The following MIPOL1 variants were observed in gnomAD, a reference collection of about 807,000 sequenced individuals.
MIPOL1 encodes the protein mirror-image polydactyly gene 1 protein.
MIPOL1 carries 57 observed loss-of-function variants against 60.9 expected under a neutral mutation model. The ratio of observed to expected loss-of-function variants is 0.94; its 90% CI spans 0.76 to 1.17. The LOEUF (loss-of-function observed/expected upper bound fraction) is 1.17, where lower values mean the gene tolerates loss of function less well. MIPOL1 is among the 50% of genes most tolerant of loss of function. MIPOL1 has a pLI of 0.00. For missense variants in MIPOL1, 551 were observed against 511.6 expected (o/e 1.08, Z -0.74); for synonymous variants, 179 against 168.8 (o/e 1.06, Z -0.47).
intron 11 of MIPOL1, among the ~76,000 whole-genome samples, chr14:37,430,522 TA>T: frequency 8.0e-6 from 1 of 124,984 alleles, no homozygotes. Flanking sequence ...TAAAAAAAAG[TA>T]TACATTTTCT....
intron 10 of MIPOL1, among the ~76,000 whole-genome samples, chr14:37,415,437 A>G (rs1427770162): frequency 6.6e-6 from 1 of 151,846 alleles, no homozygotes; most frequent in African/African-American, 2.4e-5. Context: ...CCTGGCTAAC[A>G]CGGTGAAACC....
At chr14:37,337,327 CATATA>C (rs1216776261) in intron 9 of MIPOL1, among the ~76,000 whole-genome samples, 1 of 30,912 alleles carries the variant, frequency 3.2e-5, no homozygotes, top group Non-Finnish European at 5.1e-5. Context: ...CATTTGTAAA[CATATA>C]TATATATATA....
intron 9 of MIPOL1, among the ~76,000 whole-genome samples, chr14:37,350,598 T>C (rs1314387515): frequency 1.3e-5 from 2 of 152,186 alleles, no homozygotes; most frequent in African/African-American, 4.8e-5. Flanking sequence ...TATATTCTTT[T>C]AGTTATTTTT....
chr14:37,356,621 T>A (rs186776566), intron 9 of MIPOL1, among the ~76,000 whole-genome samples: 2 of 152,314 alleles, frequency 1.3e-5, no homozygotes, highest in East Asian at 3.9e-4. Flanking sequence ...GAGCTGTTTT[T>A]TAAGCCTGTC....
rs367840351 is a variant in MIPOL1, at chr14:37,357,108, T to C, written c.829-12409T>C. Among the ~76,000 whole-genome samples the C allele has an allele frequency of 3.3e-5, 5 of 152,336 alleles. No homozygotes were observed. The East Asian group carries it at 7.7e-4, about 23-fold the overall frequency. ...CTCTTCAATATACTGATTTCCTTTC[T>C]TTGGAGTATATACCCAGTAGTGGGA... On this transcript the variant is annotated intron_variant, in intron 9 of 12. Coordinates refer to ENST00000684589, the MANE Select transcript of MIPOL1 (RefSeq NM_001388067.1).
chr14:37,282,127 A>G (rs1211896451), intron 6 of MIPOL1, among the ~76,000 whole-genome samples: 1 of 152,102 alleles, frequency 6.6e-6, no homozygotes, highest in Admixed American at 6.6e-5. Context: ...ACTTAAAACT[A>G]AAAGAGCATT....
intron 9 of MIPOL1, among the ~76,000 whole-genome samples, chr14:37,358,767 C>G (rs1279922564): frequency 6.6e-6 from 1 of 152,146 alleles, no homozygotes; most frequent in Non-Finnish European, 1.5e-5. Flanking sequence ...CAAAAATTTT[C>G]TCCCATTCTG....
chr14:37,306,328 A>G (rs1326653239), intron 7 of MIPOL1, among the ~76,000 whole-genome samples: 1 of 151,882 alleles, frequency 6.6e-6, no homozygotes, highest in African/African-American at 2.4e-5. Flanking sequence ...CTTCCTGGTC[A>G]TATAAAATTC....
At chr14:37,298,429 A>G (rs1162415125) in intron 7 of MIPOL1, among the ~76,000 whole-genome samples, 2 of 152,238 alleles carry the variant, frequency 1.3e-5, no homozygotes, top group Non-Finnish European at 2.9e-5. Flanking sequence ...AGCAATGGCA[A>G]CAAAAGCCAA....
intron 1 of MIPOL1, among the ~76,000 whole-genome samples, chr14:37,215,813 A>G (rs1265995100): frequency 6.6e-6 from 1 of 152,182 alleles, no homozygotes; most frequent in Non-Finnish European, 1.5e-5. Context: ...CACGCCTGTA[A>G]TCCAAGCATG....
intron 10 of MIPOL1, among the ~76,000 whole-genome samples, chr14:37,375,200 A>G (rs1191847103): frequency 3.3e-5 from 5 of 151,480 alleles, no homozygotes; most frequent in Non-Finnish European, 5.9e-5. Context: ...TTTAATAATT[A>G]TTTTCATTAT....
intron 6 of MIPOL1, among the ~76,000 whole-genome samples, chr14:37,279,295 A>G (rs1253539408): frequency 6.6e-6 from 1 of 150,676 alleles, no homozygotes; most frequent in South Asian, 2.1e-4. Flanking sequence ...TACATTTAAT[A>G]AAAAGAAAGA....
chr14:37,203,909 A>G (rs1445450976), intron 1 of MIPOL1, among the ~76,000 whole-genome samples: 2 of 152,058 alleles, frequency 1.3e-5, no homozygotes, highest in Non-Finnish European at 2.9e-5. Flanking sequence ...CAGCCTCCCA[A>G]GTAGCTGGGA....
chr14:37,249,070 G>A (rs1973670913), intron 3 of MIPOL1, among the ~76,000 whole-genome samples: 1 of 151,886 alleles, frequency 6.6e-6, no homozygotes, highest in Non-Finnish European at 1.5e-5. Context: ...CATAAGGGAG[G>A]GGGCAAGAGA....
intron 10 of MIPOL1, among the ~76,000 whole-genome samples, chr14:37,381,801 G>A (rs1365404925): frequency 6.6e-6 from 1 of 151,358 alleles, no homozygotes; most frequent in Non-Finnish European, 1.5e-5. Context: ...TTTTGCCCAG[G>A]CTGGTCTGGA....
intron 11 of MIPOL1, among the ~76,000 whole-genome samples, chr14:37,454,280 G>T (rs1404451869): frequency 1.3e-5 from 2 of 152,050 alleles, no homozygotes; most frequent in Non-Finnish European, 2.9e-5. Context: ...CCCTGAGTTT[G>T]GTCTTCTCTG....
intron 12 of MIPOL1, among the ~76,000 whole-genome samples, chr14:37,511,254 A>T (rs2095325658): frequency 1.3e-5 from 2 of 152,102 alleles, no homozygotes; most frequent in Admixed American, 6.5e-5. Flanking sequence ...TTCTTGGCCC[A>T]CCTGTCATAA....
chr14:37,374,222 A>T (rs576014275), intron 10 of MIPOL1, among the ~76,000 whole-genome samples: 1 of 151,832 alleles, frequency 6.6e-6, no homozygotes, highest in Non-Finnish European at 1.5e-5. Context: ...CCACTTTTTG[A>T]TGGGGTTGTT....
At chr14:37,407,959 C>T (rs2093620561) in intron 10 of MIPOL1, among the ~76,000 whole-genome samples, 1 of 145,542 alleles carries the variant, frequency 6.9e-6, no homozygotes, top group Non-Finnish European at 1.5e-5. Flanking sequence ...AAGCAGTACT[C>T]CTGCCTCAGC....
Sources: allele counts gnomAD v4.1 joint callset (sites outside exome capture counted in the v4.1 genomes callset), GRCh38; gene constraint gnomAD v4.1.1; transcripts MANE v1.5; gene names NCBI Gene and HGNC (gene_info 2026-07-23, HGNC 2026-07-21).